TMEM74: variants seen among roughly 807,000 people sequenced by gnomAD.
TMEM74 encodes transmembrane protein 74.
TMEM74 carries 13 observed loss-of-function variants against 18.1 expected under a neutral mutation model. The ratio of observed to expected loss-of-function variants is 0.72; its 90% CI spans 0.47 to 1.14. The LOEUF (loss-of-function observed/expected upper bound fraction) is 1.14, where lower values mean the gene tolerates loss of function less well. Among genes scored for constraint, TMEM74 ranks in the 50% most tolerant of loss-of-function variants. TMEM74 has a pLI of 0.00. For synonymous variants in TMEM74, 159 were observed against 146.6 expected, an observed-to-expected ratio of 1.08 and a Z score of -0.61; for missense variants, 372 against 375.9, an observed-to-expected ratio of 0.99 and a Z score of 0.09.
intron 1 of TMEM74, among the ~76,000 whole-genome samples, chr8:108,728,431 G>A (rs991104967): frequency 1.3e-5 from 2 of 152,072 alleles, no homozygotes; most frequent in Non-Finnish European, 2.9e-5. Context: ...TAAGGGAGAA[G>A]ATATTGATAG....
intron 1 of TMEM74, among the ~76,000 whole-genome samples, chr8:108,723,032 C>T (rs895078104): frequency 3.9e-5 from 6 of 152,234 alleles, no homozygotes; most frequent in Middle Eastern, 3.4e-3. Context: ...TAGAGTGTTC[C>T]TTACAGGGCT....
At chr8:108,631,739 T>C (rs1812554479) in intron 2 of TMEM74, among the ~76,000 whole-genome samples, 1 of 152,048 alleles carries the variant, frequency 6.6e-6, no homozygotes, top group Non-Finnish European at 1.5e-5. Context: ...AACTTTTGCT[T>C]TTGTTGCGAT....
In TMEM74 at chr8:108,785,090, G is replaced by T; in HGVS notation, c.9C>A (p.Leu3=). 1 of 1,594,492 alleles carries T rather than the reference G, an allele frequency of 6.3e-7. No homozygotes were observed. ...GGTTGCTCTTCTTAGCAAGGTAGTG[G>T]AGCTCCATGAGAGCTAGTCAGACAT... ME[L]HYLAKKSNQA... Residue 3 remains leucine, a synonymous_variant, in exon 2 of 2, where the codon CTC becomes CTA. Transcript: ENST00000297459.
intron 1 of TMEM74, among the ~76,000 whole-genome samples, chr8:108,672,893 G>A (rs1053258082): frequency 3.9e-5 from 6 of 152,168 alleles, no homozygotes; most frequent in Admixed American, 3.9e-4. Flanking sequence ...GATGGGAATG[G>A]GTTTAGTACA....
chr8:108,672,928 C>CAGAT (rs913292409), intron 1 of TMEM74, among the ~76,000 whole-genome samples: 1 of 152,150 alleles, frequency 6.6e-6, no homozygotes, highest in African/African-American at 2.4e-5. Flanking sequence ...GCAGGTATTC[C>CAGAT]AGATGTTGGC....
At chr8:108,760,973 AGTGTGT>A (rs60213902) in intron 1 of TMEM74, among the ~76,000 whole-genome samples, 6 of 148,980 alleles carry the variant, frequency 4.0e-5, no homozygotes, top group Admixed American at 2.0e-4. Flanking sequence ...GTGGTTTTGG[AGTGTGT>A]GTGTGTGTGT....
intron 1 of TMEM74, among the ~76,000 whole-genome samples, chr8:108,769,919 T>G (rs1458846131): frequency 2.0e-5 from 3 of 152,052 alleles, no homozygotes; most frequent in Admixed American, 6.6e-5. Context: ...TAACACTTTT[T>G]GGGGCCAGTT....
At chr8:108,738,440 T>C (rs1487289849) in intron 1 of TMEM74, among the ~76,000 whole-genome samples, 1 of 152,226 alleles carries the variant, frequency 6.6e-6, no homozygotes, top group Admixed American at 6.5e-5. Context: ...AGAAAGTTCA[T>C]TTCATTTGGG....
chr8:108,717,952 T>G (rs1439726638), intron 1 of TMEM74, among the ~76,000 whole-genome samples: 3 of 52,052 alleles, frequency 5.8e-5, no homozygotes, highest in African/African-American at 2.2e-4. Context: ...GTTTTTTTTT[T>G]TTTTTTTTTT....
intron 1 of TMEM74, among the ~76,000 whole-genome samples, chr8:108,669,128 C>A (rs1431020346): frequency 6.6e-6 from 1 of 152,062 alleles, no homozygotes; most frequent in Non-Finnish European, 1.5e-5. Flanking sequence ...GCTGTTAGAG[C>A]ATATGCAGGC....
chr8:108,644,032 C>T, intron 2 of TMEM74, among the ~76,000 whole-genome samples: 1 of 152,036 alleles, frequency 6.6e-6, no homozygotes, highest in East Asian at 1.9e-4. Context: ...AAAAAAGAGC[C>T]TAAGTAGACA....
At chr8:108,708,032 C>T (rs1813434297) in intron 1 of TMEM74, among the ~76,000 whole-genome samples, 1 of 152,124 alleles carries the variant, frequency 6.6e-6, no homozygotes, top group African/African-American at 2.4e-5. Context: ...CCTCCTCCCA[C>T]CATCCACCCT....
At chr8:108,766,968 C>T (rs753941974) in intron 1 of TMEM74, among the ~76,000 whole-genome samples, 7 of 152,186 alleles carry the variant, frequency 4.6e-5, no homozygotes, top group Non-Finnish European at 7.3e-5. Flanking sequence ...TCTTCTCCTG[C>T]CTGCTTTATT....
At chr8:108,683,978 C>A (rs1051858586) in intron 1 of TMEM74, among the ~76,000 whole-genome samples, 6 of 152,016 alleles carry the variant, frequency 3.9e-5, no homozygotes, top group Non-Finnish European at 5.9e-5. Flanking sequence ...TATATATACA[C>A]CACATTTTAT....
intron 1 of TMEM74, among the ~76,000 whole-genome samples, chr8:108,677,450 T>G (rs1282343163): frequency 6.6e-6 from 1 of 152,168 alleles, no homozygotes; most frequent in Non-Finnish European, 1.5e-5. Flanking sequence ...AGTAAAATAT[T>G]CTTTAAAAGA....
intron 2 of TMEM74, among the ~76,000 whole-genome samples, chr8:108,622,249 A>G (rs935856342): frequency 6.6e-6 from 1 of 152,104 alleles, no homozygotes; most frequent in Non-Finnish European, 1.5e-5. Flanking sequence ...ATGCATGACA[A>G]TGACCACTAC....
chr8:108,623,226 C>A (rs893169087), intron 2 of TMEM74, among the ~76,000 whole-genome samples: 1 of 152,130 alleles, frequency 6.6e-6, no homozygotes, highest in Admixed American at 6.6e-5. Flanking sequence ...TAGATAGACA[C>A]TTCTGTCTAC....
chr8:108,697,459 C>T (rs947453629), intron 1 of TMEM74, among the ~76,000 whole-genome samples: 1 of 152,162 alleles, frequency 6.6e-6, no homozygotes, highest in Non-Finnish European at 1.5e-5. Flanking sequence ...GCTCTGTCAT[C>T]CAGGCTGAGG....
chr8:108,733,932 A>G, intron 1 of TMEM74, among the ~76,000 whole-genome samples: 1 of 152,190 alleles, frequency 6.6e-6, no homozygotes, highest in East Asian at 1.9e-4. Context: ...CAGAATTCCA[A>G]GCTATTTACA....
Sources: gnomAD v4.1 joint callset for allele counts (sites outside exome capture counted in the v4.1 genomes callset) on GRCh38, gnomAD v4.1.1 for gene constraint, MANE v1.5 for transcripts, NCBI Gene and HGNC (gene_info 2026-07-23, HGNC 2026-07-21) for gene names.